The following GKAP1 variants were observed in gnomAD, a reference collection of about 807,000 sequenced individuals.
GKAP1 encodes G kinase anchoring protein 1, also known as G kinase-anchoring protein 1.
A neutral mutation model predicts 56.7 loss-of-function variants in GKAP1; 31 were observed. The observed-to-expected ratio is 0.55, with a 90% CI of 0.41 to 0.74. The LOEUF is 0.74. GKAP1 is among the 30% of genes least tolerant of loss of function. The probability of loss-of-function intolerance (pLI) is 0.00; values close to 1 mark genes in which losing one functional copy is unlikely to be tolerated. For missense variants in GKAP1, 364 were observed against 402.3 expected, an observed-to-expected ratio of 0.90 and a Z score of 0.82; for synonymous variants, 151 against 138.6, an observed-to-expected ratio of 1.09 and a Z score of -0.63.
At chr9:83,787,140 G>C (rs1219869564) in intron 5 of GKAP1, among the ~76,000 whole-genome samples, 1 of 152,212 alleles carries the variant, frequency 6.6e-6, no homozygotes, top group Non-Finnish European at 1.5e-5. Context: ...AACAGAAAGG[G>C]ATATGGAAAT....
chr9:83,784,590 T>G, intron 6 of GKAP1, 125 bp downstream of exon 6: 1 of 690,266 alleles, frequency 1.4e-6, no homozygotes, highest in Non-Finnish European at 2.3e-6. Flanking sequence ...TTACATTTTT[T>G]ACATTCTACA....
intron 6 of GKAP1, 88 bp downstream of exon 6, chr9:83,784,627 G>T: frequency 3.1e-6 from 3 of 960,996 alleles, no homozygotes; most frequent in Non-Finnish European, 4.5e-6. Context: ...TTTACTTATT[G>T]TTTAAAAATT....
intron 7 of GKAP1, among the ~76,000 whole-genome samples, chr9:83,776,609 T>C (rs1373792027): frequency 2.0e-5 from 3 of 152,156 alleles, no homozygotes; most frequent in Non-Finnish European, 4.4e-5. Context: ...GGCACGAGAA[T>C]CGCTTGAACC....
rs1489901510 is a variant in GKAP1 at position 83,739,621 on chromosome 9, C to T, written c.*76G>A. The T allele has an allele frequency of 8.8e-6, 10 of 1,138,190 alleles. No individual in the cohort carries two copies. The highest frequency in any genetic ancestry group is 2.2e-5 in the Admixed American group (1 of 45,702). The allele number at this position is 1,138,190 out of a possible 1,614,324, so 70.5% of individuals were successfully genotyped here. On this transcript the variant is annotated 3_prime_UTR_variant, in exon 13 of 13. Transcript: ENST00000376371. ...GAAAAACTGCATAGTTTAGCAGTTG[C>T]ACAGCATTAAATATATACAACTTTG... is the stretch of plus-strand genomic sequence containing the variant.
At chr9:83,795,221 G>A (rs1372796238) in intron 4 of GKAP1, among the ~76,000 whole-genome samples, 5 of 149,434 alleles carry the variant, frequency 3.3e-5, no homozygotes, top group South Asian at 2.1e-4. Context: ...CATGCCCTAC[G>A]TATTTTTTTA....
chr9:83,766,573 T>C (rs571916225), intron 8 of GKAP1, among the ~76,000 whole-genome samples: 1 of 152,200 alleles, frequency 6.6e-6, no homozygotes, highest in Non-Finnish European at 1.5e-5. Context: ...CTGTATACCA[T>C]ATAACACAAA....
chr9:83,815,192 GT>G (rs1334595448), intron 2 of GKAP1, among the ~76,000 whole-genome samples: 2 of 151,906 alleles, frequency 1.3e-5, no homozygotes, highest in Admixed American at 6.6e-5. Context: ...AAACTAAAGT[GT>G]TAATTTAAGA....
At chr9:83,794,794 G>C (rs1352323160) in intron 4 of GKAP1, among the ~76,000 whole-genome samples, 2 of 152,184 alleles carry the variant, frequency 1.3e-5, no homozygotes, top group African/African-American at 4.8e-5. Flanking sequence ...TCTACACAGA[G>C]ATTTATTCCT....
At position 83,791,564 on chromosome 9, in the gene GKAP1, T is replaced by TA. The variant is rs200319907; in HGVS notation, c.361-2887dup. 6.1e-3 allele frequency among the ~76,000 whole-genome samples: 934 copies of TA among 152,366 alleles called. 11 individuals carry two copies. The highest frequency in any genetic ancestry group is 0.021 in the African/African-American group (886 of 41,578). ...CAGGTAGACAAAAATGATTTAAATT[T>TA]AAATTTTTGAAAACTAGAACAAATC... is the stretch of plus-strand genomic sequence containing the variant. On this transcript the variant is annotated intron_variant, in intron 4 of 12. Coordinates refer to ENST00000376371, the MANE Select transcript of GKAP1 (RefSeq NM_025211.4).
At chr9:83,804,271 GC>G (rs1944389264) in intron 3 of GKAP1, among the ~76,000 whole-genome samples, 1 of 146,968 alleles carries the variant, frequency 6.8e-6, no homozygotes, top group African/African-American at 2.5e-5. Flanking sequence ...CCCCCGCCCG[GC>G]CAGCCGCCCC....
chr9:83,810,865 C>A (rs57604397), intron 2 of GKAP1, among the ~76,000 whole-genome samples: 19 of 152,334 alleles, frequency 1.2e-4, no homozygotes, highest in African/African-American at 4.6e-4. Context: ...GAGTATCACA[C>A]AGTTTACTTA....
At chr9:83,768,746 T>G in intron 8 of GKAP1, 72 bp downstream of exon 8, 1 of 1,290,706 alleles carries the variant, frequency 7.7e-7, no homozygotes, top group South Asian at 1.3e-5. Flanking sequence ...ATTCTACTGC[T>G]TACTTGTTTA....
rs1310713186 is a variant in GKAP1 at position 83,815,773 on chromosome 9, C to CACCAA, written c.-44+1222_-44+1223insTTGGT. On this transcript the variant is annotated intron_variant, in intron 2 of 12. Transcript: ENST00000376371. ...ATAACTTAGATCGAAATTAACTGAG[C>CACCAA]GTAATATGAAATGGCACCAAGTATC... 6.6e-5 allele frequency among the ~76,000 whole-genome samples: 10 copies of CACCAA among 152,104 alleles called. 1 individual carries two copies. Among genetic ancestry groups the CACCAA allele is most frequent in the African/African-American group, 2.4e-4 (10 of 41,506 alleles).
At position 83,806,559 on chromosome 9, in the gene GKAP1, T is replaced by C; in HGVS notation, c.-42A>G. 1.9e-6 allele frequency: 3 copies of C among 1,562,608 alleles called. No individual in the cohort carries two copies. Among genetic ancestry groups the C allele is most frequent in the Non-Finnish European group, 1.8e-6 (2 of 1,140,986 alleles). Reference sequence around the variant, plus strand: ...TTAAAATACTTCTGTCAAGAATAATTTCTGTGGGGAGGCAGAAGAGTAGGC... The same window carrying C: ...TTAAAATACTTCTGTCAAGAATAATCTCTGTGGGGAGGCAGAAGAGTAGGC... On this transcript the variant is annotated splice_region_variant and 5_prime_UTR_variant, in exon 3 of 13. Transcript: ENST00000376371.
intron 3 of GKAP1, among the ~76,000 whole-genome samples, chr9:83,804,055 GGCA>G (rs1944382378): frequency 4.0e-5 from 6 of 150,676 alleles, no homozygotes; most frequent in East Asian, 4.0e-4. Context: ...CCCTCTGCCC[GGCA>G]GCCACCCCGT....
intron 4 of GKAP1, among the ~76,000 whole-genome samples, chr9:83,792,408 T>C (rs746314753): frequency 4.6e-5 from 7 of 152,152 alleles, no homozygotes; most frequent in Non-Finnish European, 7.3e-5. Context: ...AACTGGAATA[T>C]TAGAAGAATG....
chr9:83,752,630 G>T (rs1434387315), intron 9 of GKAP1, among the ~76,000 whole-genome samples: 2 of 152,118 alleles, frequency 1.3e-5, no homozygotes, highest in Non-Finnish European at 2.9e-5. Flanking sequence ...GAAATAGACA[G>T]TGGTGATGGT....
chr9:83,776,712 T>C (rs1481265887), intron 7 of GKAP1, among the ~76,000 whole-genome samples: 1 of 152,222 alleles, frequency 6.6e-6, no homozygotes, highest in Non-Finnish European at 1.5e-5. Flanking sequence ...TCTAATTTGA[T>C]TACTGCTACA....
intron 8 of GKAP1, among the ~76,000 whole-genome samples, chr9:83,759,716 T>C (rs999067130): frequency 2.0e-5 from 3 of 152,216 alleles, no homozygotes; most frequent in Non-Finnish European, 2.9e-5. Flanking sequence ...AAATTGTTTT[T>C]CAAAATGGTT....
Sources: gnomAD v4.1 joint callset for allele counts (sites outside exome capture counted in the v4.1 genomes callset) on GRCh38, gnomAD v4.1.1 for gene constraint, MANE v1.5 for transcripts, NCBI Gene and HGNC (gene_info 2026-07-23, HGNC 2026-07-21) for gene names.